The following RASGRP1 variants were observed in gnomAD, a reference collection of about 807,000 sequenced individuals.
The protein encoded by RASGRP1 is RAS guanyl-releasing protein 1.
In RASGRP1, 37 loss-of-function variants were observed where a neutral mutation model predicts 95.1. That is an observed-to-expected ratio of 0.39 (90% CI 0.30 to 0.51). The LOEUF (loss-of-function observed/expected upper bound fraction) is 0.51. Among genes scored for constraint, RASGRP1 ranks in the 20% least tolerant of loss-of-function variants. The probability of loss-of-function intolerance (pLI) is 0.80; values close to 1 mark genes in which losing one functional copy is unlikely to be tolerated. For synonymous variants in RASGRP1, 325 were observed against 353.4 expected (o/e 0.92, Z 0.90); for missense variants, 711 against 965.4 (o/e 0.74, Z 3.49).
Position 38,490,326 on chromosome 15 carries a change from A to G in RASGRP1, c.*228T>C. 2 of 372,024 alleles carry G rather than the reference A, an allele frequency of 5.4e-6. No homozygotes were observed. Among genetic ancestry groups the G allele is most frequent in the African/African-American group, 2.1e-5 (1 of 48,044 alleles). The allele number at this position is 372,024 out of a possible 1,614,324, so 23.0% of individuals were successfully genotyped here. The stretch of plus-strand genomic sequence containing the variant: ...CTTTTGATGAACATCAGTGGTATGA[A>G]TAGCAAAAGTTTTGCATTCTTTAGT... On this transcript the variant is annotated 3_prime_UTR_variant, in exon 17 of 17. Transcript: ENST00000310803.
At chr15:38,493,212 CTG>C (rs1275364131) in intron 16 of RASGRP1, among the ~76,000 whole-genome samples, 1 of 109,366 alleles carries the variant, frequency 9.1e-6, no homozygotes, top group Non-Finnish European at 1.7e-5. Flanking sequence ...AAGATGGAGT[CTG>C]TTGCCTAGGC....
At chr15:38,554,192 C>G (rs979304453) in intron 2 of RASGRP1, among the ~76,000 whole-genome samples, 17 of 152,172 alleles carry the variant, frequency 1.1e-4, no homozygotes, top group African/African-American at 3.9e-4. Flanking sequence ...CCAGAGTTCA[C>G]ATCTCAGCAG....
At chr15:38,511,271 G>C (rs916323522) in intron 8 of RASGRP1, among the ~76,000 whole-genome samples, 1 of 152,138 alleles carries the variant, frequency 6.6e-6, no homozygotes, top group African/African-American at 2.4e-5. Flanking sequence ...ACACATTTTA[G>C]AGCAAGGAGC....
intron 3 of RASGRP1, among the ~76,000 whole-genome samples, chr15:38,521,202 G>A (rs1236363391): frequency 6.6e-6 from 1 of 152,090 alleles, no homozygotes; most frequent in African/African-American, 2.4e-5. Context: ...AAGAGATTCA[G>A]GCAAAAGGCA....
At chr15:38,502,263 T>G (rs778127413) in intron 12 of RASGRP1, 49 bp downstream of exon 12, 2 of 1,343,922 alleles carry the variant, frequency 1.5e-6, no homozygotes, top group African/African-American at 2.9e-5. Flanking sequence ...TATAAACCTA[T>G]TCTCACCAAT....
In RASGRP1 at chr15:38,488,883, G is replaced by A. The variant is rs1014443511; in HGVS notation, c.*1671C>T. The stretch of plus-strand genomic sequence containing the variant: ...AGTGGGCTTAAGCAGGCCTGCTTTG[G>A]GTATTTCTGAGTTTAAATTTGGAAA... On this transcript the variant is annotated 3_prime_UTR_variant, in exon 17 of 17. Coordinates refer to ENST00000310803, the MANE Select transcript of RASGRP1 (RefSeq NM_005739.4). 6.6e-6 allele frequency: 1 copy of A among 151,930 alleles called. No homozygotes were observed. Among genetic ancestry groups the A allele is most frequent in the Non-Finnish European group, 1.5e-5 (1 of 67,882 alleles). 9.4% of individuals were successfully genotyped at this position (151,930 alleles called of 1,614,324 possible).
intron 7 of RASGRP1, 120 bp downstream of exon 7, chr15:38,512,663 A>AC: frequency 1.6e-6 from 2 of 1,224,984 alleles, no homozygotes; most frequent in Admixed American, 2.4e-5. Context: ...AAACCTCTCC[A>AC]CCCCCTCGCC....
intron 2 of RASGRP1, among the ~76,000 whole-genome samples, chr15:38,559,589 A>G (rs1893722100): frequency 6.6e-6 from 1 of 152,212 alleles, no homozygotes; most frequent in African/African-American, 2.4e-5. Flanking sequence ...GAAAAATGGA[A>G]ATGCAAACTC....
chr15:38,540,421 G>A (rs1443979885), intron 2 of RASGRP1, among the ~76,000 whole-genome samples: 4 of 152,096 alleles, frequency 2.6e-5, no homozygotes, highest in Non-Finnish European at 1.5e-5. Flanking sequence ...AACAGTAACT[G>A]GGCACTGAAT....
At chr15:38,542,236 G>T (rs1467344703) in intron 2 of RASGRP1, among the ~76,000 whole-genome samples, 1 of 152,030 alleles carries the variant, frequency 6.6e-6, no homozygotes, top group African/African-American at 2.4e-5. Context: ...AACAAAAGCA[G>T]AACAAAAACT....
At chr15:38,515,908 A>T (rs866453844) in intron 6 of RASGRP1, among the ~76,000 whole-genome samples, 74 of 116,312 alleles carry the variant, frequency 6.4e-4, no homozygotes, top group African/African-American at 1.8e-3. Flanking sequence ...AGAGAGAGAG[A>T]GAGTGTGTGT....
intron 2 of RASGRP1, among the ~76,000 whole-genome samples, chr15:38,537,171 A>G (rs2141159325): frequency 6.6e-6 from 1 of 152,276 alleles, no homozygotes; most frequent in East Asian, 1.9e-4. Flanking sequence ...TGCCAGCGAG[A>G]CTGGACCCCT....
chr15:38,501,547 C>A, intron 12 of RASGRP1: 1 of 594,606 alleles, frequency 1.7e-6, no homozygotes, highest in Non-Finnish European at 3.1e-6. Flanking sequence ...AACTTGACCA[C>A]TATCTATAAG....
rs941284477 is a variant in RASGRP1 at position 38,489,867 on chromosome 15, A to G, written c.*687T>C. ...ATGTTTCCAGGTACCTAATTTGATT[A>G]CTTATTTTCTGATGCCTGTAAGTTG... On this transcript the variant is annotated 3_prime_UTR_variant, in exon 17 of 17. Coordinates refer to ENST00000310803, the MANE Select transcript of RASGRP1 (RefSeq NM_005739.4). The G allele has an allele frequency of 3.3e-5, 5 of 152,160 alleles. No individual in the cohort carries two copies. Among genetic ancestry groups the G allele is most frequent in the African/African-American group, 1.2e-4 (5 of 41,430 alleles). The allele number at this position is 152,160 out of a possible 1,614,324, so 9.4% of individuals were successfully genotyped here.
At chr15:38,522,003 C>G (rs1892019521) in intron 3 of RASGRP1, among the ~76,000 whole-genome samples, 1 of 152,156 alleles carries the variant, frequency 6.6e-6, no homozygotes, top group African/African-American at 2.4e-5. Flanking sequence ...TTCACCTGAG[C>G]AAAGCCCAGA....
Position 38,498,950 on chromosome 15 carries a change from T to G in RASGRP1, c.1721-4A>C. ...TTGTGACAGTTCATCCCGCAGTCTG[T>G]GGACAAGACATCCTGGGTCAAGAAG... On this transcript the variant is annotated splice_region_variant and splice_polypyrimidine_tract_variant and intron_variant, in intron 14 of 16. Coordinates refer to ENST00000310803, the MANE Select transcript of RASGRP1 (RefSeq NM_005739.4). The G allele has an allele frequency of 1.9e-6, 3 of 1,614,012 alleles. No individual in the cohort carries two copies.
rs1890479720 is a variant in RASGRP1, at chr15:38,489,363, G to C, written c.*1191C>G. The C allele has an allele frequency of 6.6e-6, 1 of 151,758 alleles. No homozygotes were observed. Among genetic ancestry groups the C allele is most frequent in the Admixed American group, 6.6e-5 (1 of 15,240 alleles). 9.4% of individuals were successfully genotyped at this position (151,758 alleles called of 1,614,324 possible). Reference sequence around the variant, plus strand: ...AACCTTCATAATAGAAAACTCACAGGATTGTTACTTGTGATTTTGCCAAAC... The same window carrying C: ...AACCTTCATAATAGAAAACTCACAGCATTGTTACTTGTGATTTTGCCAAAC... On this transcript the variant is annotated 3_prime_UTR_variant, in exon 17 of 17. Transcript: ENST00000310803.
intron 6 of RASGRP1, among the ~76,000 whole-genome samples, chr15:38,515,910 AGT>A (rs1555401575): frequency 9.1e-5 from 13 of 143,498 alleles, no homozygotes; most frequent in Admixed American, 1.4e-4. Flanking sequence ...AGAGAGAGAG[AGT>A]GTGTGTGTGT....
chr15:38,519,952 G>A (rs572307389), intron 3 of RASGRP1, among the ~76,000 whole-genome samples: 3 of 152,244 alleles, frequency 2.0e-5, no homozygotes, highest in South Asian at 4.1e-4. Flanking sequence ...AGATTGTAAC[G>A]GCAAGTCAGA....
Sources: gnomAD v4.1 joint callset for allele counts (sites outside exome capture counted in the v4.1 genomes callset) on GRCh38, gnomAD v4.1.1 for gene constraint, MANE v1.5 for transcripts, NCBI Gene and HGNC (gene_info 2026-07-23, HGNC 2026-07-21) for gene names.